The following NUCB2 variants were observed in gnomAD, a reference collection of about 807,000 sequenced individuals.
The protein encoded by NUCB2 is nucleobindin-2.
In NUCB2, 48 loss-of-function variants were observed where a neutral mutation model predicts 57.9. The observed-to-expected ratio is 0.83, with a 90% confidence interval of 0.66 to 1.05. The LOEUF is 1.05. Among genes scored for constraint, NUCB2 ranks in the 50% least tolerant of loss-of-function variants. The pLI, the probability that NUCB2 is intolerant of heterozygous loss-of-function variation, is 0.00. For missense variants in NUCB2, 442 were observed against 476.2 expected (o/e 0.93, Z 0.67); for synonymous variants, 139 against 152.1 (o/e 0.91, Z 0.64).
intron 2 of NUCB2, among the ~76,000 whole-genome samples, chr11:17,285,463 G>A (rs1943525799): frequency 6.6e-6 from 1 of 151,990 alleles, no homozygotes; most frequent in Non-Finnish European, 1.5e-5. Flanking sequence ...TGTAGTCCCA[G>A]CTACTTAGGA....
downstream of NUCB2, among the ~76,000 whole-genome samples, chr11:17,336,455 C>G (rs867937541): frequency 6.6e-6 from 1 of 151,722 alleles, no homozygotes; most frequent in African/African-American, 2.4e-5. Context: ...ATATTTAACT[C>G]TCACTAAAGA....
chr11:17,284,413 C>G (rs1295516133), intron 2 of NUCB2, among the ~76,000 whole-genome samples: 1 of 152,008 alleles, frequency 6.6e-6, no homozygotes, highest in Non-Finnish European at 1.5e-5. Context: ...CAAAAGTAAA[C>G]TGAAATAAAT....
At position 17,330,978 on chromosome 11, in the gene NUCB2, A is replaced by G; in HGVS notation, c.1250A>G (p.Glu417Gly). 6.2e-7 allele frequency: 1 copy of G among 1,600,282 alleles called. No individual in the cohort carries two copies. Among genetic ancestry groups the G allele is most frequent in the Non-Finnish European group, 8.5e-7 (1 of 1,170,208 alleles). Residue 417 changes from glutamate to glycine, a missense_variant, in exon 13 of 14, where the codon GAG becomes GGG. Physicochemically the swap from Glu to Gly is moderately conservative, Grantham distance 98. Coordinates refer to ENST00000529010, the MANE Select transcript of NUCB2 (RefSeq NM_005013.4). The surrounding 1 kb of genome is among the most constrained non-coding windows in gnomAD (Gnocchi z 4.3). ...PSGPAGELKF[E>G]PHI The stretch of plus-strand genomic sequence containing the variant: ...GGGCCAGCTGGAGAATTGAAGTTTG[A>G]GCCACGTGTGTAATTTTGTTTGATT...
intron 2 of NUCB2, among the ~76,000 whole-genome samples, chr11:17,289,553 G>A (rs559818857): frequency 6.6e-6 from 1 of 152,192 alleles, no homozygotes; most frequent in Non-Finnish European, 1.5e-5. Context: ...GTCAGGTTAT[G>A]TAGTGCTCTT....
chr11:17,347,684 C>T (rs1952854812), intron 2 of NUCB2, among the ~76,000 whole-genome samples: 1 of 152,076 alleles, frequency 6.6e-6, no homozygotes, highest in Admixed American at 6.5e-5. Flanking sequence ...TTTCATGATC[C>T]AGGATTTGTG....
chr11:17,349,536 C>T (rs919464573), exon 3 of NUCB2: 1 of 152,204 alleles, frequency 6.6e-6, no homozygotes, highest in Non-Finnish European at 1.5e-5. Flanking sequence ...AGATCATTTC[C>T]TTCTCTTTAA....
Position 17,311,254 on chromosome 11 carries a change from T to A in NUCB2, c.731T>A (p.Phe244Tyr). Residue 244 changes from phenylalanine to tyrosine, a missense_variant, in exon 8 of 14, where the codon TTT becomes TAT. Coordinates refer to ENST00000529010, the MANE Select transcript of NUCB2 (RefSeq NM_005013.4). ...ACTGATGGATTGGATCCTAATGACT[T>A]TGACCCCAAGACATTTTTCAAATTA... ...EETDGLDPNDFDPKTFFKLHD... is the reference protein window; with the variant it reads ...EETDGLDPNDYDPKTFFKLHD... The A allele has an allele frequency of 6.2e-7, 1 of 1,609,976 alleles. No homozygotes were observed. The highest frequency in any genetic ancestry group is 8.5e-7 in the Non-Finnish European group (1 of 1,178,054).
intron 2 of NUCB2, among the ~76,000 whole-genome samples, chr11:17,339,448 C>T (rs905346082): frequency 1.5e-4 from 23 of 151,512 alleles, no homozygotes; most frequent in African/African-American, 5.1e-4. Context: ...TGTGCTGCAC[C>T]CATTAACTCG....
chr11:17,291,256 A>G (rs1453056887), intron 2 of NUCB2: 2 of 152,224 alleles, frequency 1.3e-5, no homozygotes, highest in African/African-American at 4.8e-5. Context: ...CCTTAAAAAT[A>G]TCAGTCTTGG....
downstream of NUCB2, among the ~76,000 whole-genome samples, chr11:17,336,018 C>T (rs1006740934): frequency 1.3e-5 from 2 of 152,182 alleles, no homozygotes; most frequent in African/African-American, 4.8e-5. Flanking sequence ...GTTGAGCATT[C>T]CTTATCCACG....
chr11:17,329,593 C>G (rs1039991683), intron 11 of NUCB2, among the ~76,000 whole-genome samples: 2 of 152,184 alleles, frequency 1.3e-5, no homozygotes, highest in African/African-American at 4.8e-5. Flanking sequence ...GTAAAGTCCC[C>G]CAGTCGCTAT....
intron 5 of NUCB2, among the ~76,000 whole-genome samples, chr11:17,306,742 C>A (rs1421799037): frequency 1.3e-5 from 2 of 152,164 alleles, no homozygotes; most frequent in South Asian, 2.1e-4. Flanking sequence ...CATGGCAAAA[C>A]CCTGTCTCTA....
chr11:17,295,670 G>A (rs951965789), intron 3 of NUCB2: 19 of 542,330 alleles, frequency 3.5e-5, no homozygotes, highest in African/African-American at 3.3e-4. Flanking sequence ...TATTGGCCAA[G>A]CATATGCTGT....
Position 17,330,572 on chromosome 11 carries a change from G to A in NUCB2, c.1173+275G>A, listed in dbSNP as rs1459761436. On this transcript the variant is annotated intron_variant, in intron 12 of 13. Coordinates refer to ENST00000529010, the MANE Select transcript of NUCB2 (RefSeq NM_005013.4). This position sits in a 1 kb window ranked among gnomAD's most constrained non-coding sequence, Gnocchi z 4.3. ...CAGCCTCAAACTCCTGGGCTCAAGT[G>A]ATCCTCCCACCTCAGCCTCCCCAGT... Among the ~76,000 whole-genome samples, 1 of 152,138 alleles carries A rather than the reference G, an allele frequency of 6.6e-6. No individual in the cohort carries two copies. Among genetic ancestry groups the A allele is most frequent in the Non-Finnish European group, 1.5e-5 (1 of 68,038 alleles).
intron 2 of NUCB2, among the ~76,000 whole-genome samples, chr11:17,294,054 C>G (rs1281554267): frequency 6.6e-6 from 1 of 152,090 alleles, no homozygotes; most frequent in Non-Finnish European, 1.5e-5. Context: ...AGTTATATCT[C>G]AAAAAACCCA....
intron 5 of NUCB2, among the ~76,000 whole-genome samples, chr11:17,305,747 G>T (rs990970074): frequency 6.6e-6 from 1 of 151,872 alleles, no homozygotes; most frequent in African/African-American, 2.4e-5. Context: ...TCAGCCTCCT[G>T]AGTAGCTAGG....
intron 11 of NUCB2, among the ~76,000 whole-genome samples, chr11:17,318,729 A>G (rs1949629008): frequency 6.6e-6 from 1 of 152,212 alleles, no homozygotes; most frequent in African/African-American, 2.4e-5. Flanking sequence ...GGAAATAATG[A>G]TGATAAGGAT....
At chr11:17,304,790 A>G (rs1947346279) in intron 5 of NUCB2, among the ~76,000 whole-genome samples, 1 of 152,178 alleles carries the variant, frequency 6.6e-6, no homozygotes, top group African/African-American at 2.4e-5. Context: ...AATGTCCAGA[A>G]TAAACCTACT....
chr11:17,312,484 A>C (rs1267928953), intron 10 of NUCB2, among the ~76,000 whole-genome samples: 2 of 151,456 alleles, frequency 1.3e-5, no homozygotes. Context: ...GCTCACTGCA[A>C]CCTCCGCCTC....
Sources: allele counts gnomAD v4.1 joint callset (sites outside exome capture counted in the v4.1 genomes callset), GRCh38; gene constraint gnomAD v4.1.1; non-coding constraint Gnocchi (gnomAD v3.1); transcripts MANE v1.5; gene names NCBI Gene and HGNC (gene_info 2026-07-23, HGNC 2026-07-21).